GPD2: variants seen among roughly 807,000 people sequenced by gnomAD.
GPD2 encodes glycerol-3-phosphate dehydrogenase, mitochondrial.
Under a neutral mutation model 82.4 loss-of-function variants are expected in GPD2, and 54 were observed. The ratio of observed to expected loss-of-function variants is 0.66; its 90% CI spans 0.53 to 0.82. GPD2 has a LOEUF of 0.82. Among genes scored for constraint, GPD2 ranks in the 40% least tolerant of loss-of-function variants. The pLI, the probability that GPD2 is intolerant of heterozygous loss-of-function variation, is 0.00. For synonymous variants in GPD2, 288 were observed against 306.1 expected (o/e 0.94, Z 0.62); for missense variants, 748 against 896.2 (o/e 0.83, Z 2.11).
chr2:156,582,970 G>C lies in GPD2; in HGVS notation c.*52G>C. 1 of 1,595,306 alleles carries C rather than the reference G, an allele frequency of 6.3e-7. No homozygotes were observed. Among genetic ancestry groups the C allele is most frequent in the Non-Finnish European group, 8.6e-7 (1 of 1,164,472 alleles). Reference sequence around the variant, plus strand: ...AAACATAGAAACGACAAATCACCATGTAACAACCAGAGATGACTGAAACCA... The same window carrying C: ...AAACATAGAAACGACAAATCACCATCTAACAACCAGAGATGACTGAAACCA... On this transcript the variant is annotated 3_prime_UTR_variant, in exon 17 of 17. Coordinates refer to ENST00000438166, the MANE Select transcript of GPD2 (RefSeq NM_000408.5).
chr2:156,493,295 G>A (rs1019889966), intron 2 of GPD2, among the ~76,000 whole-genome samples: 5 of 152,122 alleles, frequency 3.3e-5, no homozygotes, highest in Non-Finnish European at 7.4e-5. Flanking sequence ...CAGTTTTGTG[G>A]TTGTTGGTAG....
chr2:156,473,120 C>CT (rs1222547543), intron 1 of GPD2, among the ~76,000 whole-genome samples: 2 of 152,130 alleles, frequency 1.3e-5, no homozygotes, highest in African/African-American at 2.4e-5. Context: ...TGACTTTGAG[C>CT]TAGCCAGATG....
intron 9 of GPD2, among the ~76,000 whole-genome samples, chr2:156,560,315 A>C (rs1687121912): frequency 6.6e-6 from 1 of 152,194 alleles, no homozygotes; most frequent in Admixed American, 6.5e-5. Context: ...GGTCCATAAA[A>C]GTCTTTTCAA....
chr2:156,446,244 T>C (rs765332102), intron 1 of GPD2, among the ~76,000 whole-genome samples: 1 of 152,024 alleles, frequency 6.6e-6, no homozygotes, highest in African/African-American at 2.4e-5. Context: ...TATAGGCATG[T>C]GCCACCATGC....
intron 1 of GPD2, among the ~76,000 whole-genome samples, chr2:156,473,056 C>T (rs537711248): frequency 1.3e-4 from 20 of 152,260 alleles, no homozygotes; most frequent in Admixed American, 2.0e-4. Context: ...ACAATAACAA[C>T]ACTCATAATG....
At chr2:156,576,763 A>C (rs536515551) in intron 13 of GPD2, among the ~76,000 whole-genome samples, 4 of 152,342 alleles carry the variant, frequency 2.6e-5, no homozygotes, top group East Asian at 3.9e-4. Flanking sequence ...TGTTTGATGG[A>C]GTATAGATAA....
At chr2:156,431,310 A>G (rs1688313561), upstream of GPD2, among the ~76,000 whole-genome samples, 2 of 152,198 alleles carry the variant, frequency 1.3e-5, no homozygotes, top group Admixed American at 6.5e-5. Context: ...TGCTGAAATA[A>G]TTACTTCATG....
At chr2:156,509,444 A>G (rs531652068) in intron 3 of GPD2, among the ~76,000 whole-genome samples, 90 of 152,342 alleles carry the variant, frequency 5.9e-4, no homozygotes, top group Middle Eastern at 3.4e-3. Context: ...AAACTGCTCT[A>G]GTTACGTATT....
At chr2:156,478,037 A>C (rs766386963) in intron 2 of GPD2, among the ~76,000 whole-genome samples, 1 of 152,196 alleles carries the variant, frequency 6.6e-6, no homozygotes, top group African/African-American at 2.4e-5. Context: ...CACAGTAAGC[A>C]TGTTCTACTT....
intron 9 of GPD2, among the ~76,000 whole-genome samples, chr2:156,566,028 C>G (rs1046930738): frequency 6.6e-6 from 1 of 152,006 alleles, no homozygotes; most frequent in Non-Finnish European, 1.5e-5. Flanking sequence ...CCAGCCCTGC[C>G]CTCTGCTCAC....
chr2:156,556,662 C>A (rs1480625438), intron 8 of GPD2, among the ~76,000 whole-genome samples: 1 of 152,156 alleles, frequency 6.6e-6, no homozygotes, highest in African/African-American at 2.4e-5. Context: ...CTACTAGTGT[C>A]TTTTATGTAA....
intron 2 of GPD2, among the ~76,000 whole-genome samples, chr2:156,482,349 T>C (rs112005393): frequency 2.0e-5 from 3 of 152,216 alleles, no homozygotes; most frequent in Non-Finnish European, 2.9e-5. Flanking sequence ...CTAACTGTTA[T>C]AATAAGTTCC....
chr2:156,560,928 C>T (rs1687143497), intron 9 of GPD2, among the ~76,000 whole-genome samples: 1 of 151,618 alleles, frequency 6.6e-6, no homozygotes, highest in Non-Finnish European at 1.5e-5. Context: ...TGAGACACTG[C>T]TAAGCAAGCA....
At chr2:156,530,791 A>G (rs561794242) in intron 6 of GPD2, among the ~76,000 whole-genome samples, 1 of 152,290 alleles carries the variant, frequency 6.6e-6, no homozygotes, top group East Asian at 1.9e-4. Flanking sequence ...CCACTTGATC[A>G]TGGTGGATAA....
rs147372168 is a variant in GPD2 at position 156,497,991 on chromosome 2, C to G, written c.274+1776C>G. Among the ~76,000 whole-genome samples, 1,222 of 152,124 alleles carry G rather than the reference C, an allele frequency of 8.0e-3. 4 individuals are homozygous for G. Among genetic ancestry groups the G allele is most frequent in the Non-Finnish European group, 0.012 (798 of 68,002 alleles). ...AAGGTGGAAAGAGGGGACACATTCCCAACATAATGGGAGGTCTTGTTTGGA... is the reference window on the plus strand; with the variant it reads ...AAGGTGGAAAGAGGGGACACATTCCGAACATAATGGGAGGTCTTGTTTGGA... On this transcript the variant is annotated intron_variant, in intron 3 of 16. Coordinates refer to ENST00000438166, the MANE Select transcript of GPD2 (RefSeq NM_000408.5).
intron 2 of GPD2, among the ~76,000 whole-genome samples, chr2:156,478,253 T>G (rs1683586901): frequency 6.6e-6 from 1 of 152,182 alleles, no homozygotes; most frequent in East Asian, 1.9e-4. Flanking sequence ...TCATTTTATC[T>G]TTCCTGAGTT....
intron 1 of GPD2, among the ~76,000 whole-genome samples, chr2:156,441,318 A>G (rs1682167587): frequency 6.6e-6 from 1 of 152,140 alleles, no homozygotes; most frequent in African/African-American, 2.4e-5. Flanking sequence ...TTGGGAGGCC[A>G]AGACAGGAGG....
In GPD2 at chr2:156,496,164, A is replaced by G. The variant is rs145747966; in HGVS notation, c.223A>G (p.Ile75Val). Reference sequence around the variant, plus strand: ...CACATCTGAATTTGATATCCTTGTTATTGGAGGAGGAGCAACAGGAAGTGG... The same window carrying G: ...CACATCTGAATTTGATATCCTTGTTGTTGGAGGAGGAGCAACAGGAAGTGG... ...QNTSEFDILV[I>V]GGGATGSGCA... The change falls in exon 3 of 17, where the codon ATT (isoleucine) becomes GTT (valine). Residue 75 changes from isoleucine (I) to valine (V), a missense_variant. Coordinates refer to ENST00000438166, the MANE Select transcript of GPD2 (RefSeq NM_000408.5). 1.4e-3 allele frequency: 2,270 copies of G among 1,612,832 alleles called. 2 individuals are homozygous for G. The highest frequency in any genetic ancestry group is 1.8e-3 in the Non-Finnish European group (2,177 of 1,178,902).
At chr2:156,419,049 C>CTTTTTT in the GPD2 span, among the ~76,000 whole-genome samples, 5 of 77,216 alleles carry the variant, frequency 6.5e-5, no homozygotes, top group African/African-American at 1.8e-4. Context: ...TTCTTTCCTT[C>CTTTTTT]TTTTTTTTTT....
Sources: gnomAD v4.1 joint callset for allele counts (sites outside exome capture counted in the v4.1 genomes callset) on GRCh38, gnomAD v4.1.1 for gene constraint, MANE v1.5 for transcripts, NCBI Gene and HGNC (gene_info 2026-07-23, HGNC 2026-07-21) for gene names.